The following BCAS4 variants were observed in gnomAD, a reference collection of about 807,000 sequenced individuals.
The protein encoded by BCAS4 is breast carcinoma amplified sequence 4.
A neutral mutation model predicts 15.7 loss-of-function variants in BCAS4; 9 were observed. That is an observed-to-expected ratio of 0.57 (90% CI 0.34 to 1.00). The LOEUF (loss-of-function observed/expected upper bound fraction) is 1.00, where lower values mean the gene tolerates loss of function less well. Among genes scored for constraint, BCAS4 ranks in the 50% least tolerant of loss-of-function variants. BCAS4 has a pLI of 0.02. For synonymous variants in BCAS4, 101 were observed against 99.5 expected (o/e 1.02, Z -0.09); for missense variants, 225 against 239.1 (o/e 0.94, Z 0.39).
intron 4 of BCAS4, among the ~76,000 whole-genome samples, chr20:50,859,856 G>A (rs974192137): frequency 9.2e-5 from 14 of 152,184 alleles, no homozygotes; most frequent in Non-Finnish European, 1.5e-4. Context: ...ATAACATGGA[G>A]AGGCCGGACG....
intron 4 of BCAS4, among the ~76,000 whole-genome samples, chr20:50,865,399 G>A (rs1044010227): frequency 2.6e-5 from 4 of 152,134 alleles, no homozygotes; most frequent in South Asian, 4.1e-4. Context: ...CCGTGACACC[G>A]ACTCCCCCCA....
At chr20:50,879,823 GCTCT>G (rs1182366341), downstream of BCAS4, 5 of 152,654 alleles carry the variant, frequency 3.3e-5, no homozygotes, top group Admixed American at 2.0e-4. Context: ...CTTTTCACTT[GCTCT>G]CTCTGAGTCC....
intron 4 of BCAS4, among the ~76,000 whole-genome samples, chr20:50,869,897 C>G (rs911936116): frequency 6.6e-6 from 1 of 151,820 alleles, no homozygotes; most frequent in Non-Finnish European, 1.5e-5. Flanking sequence ...TACAGGCACC[C>G]GCCACCACAC....
At chr20:50,800,798 G>T (rs1569015161) in intron 1 of BCAS4, among the ~76,000 whole-genome samples, 1 of 152,058 alleles carries the variant, frequency 6.6e-6, no homozygotes, top group Non-Finnish European at 1.5e-5. Flanking sequence ...GTGACCTCAG[G>T]TGATCCACCT....
chr20:50,795,496 C>A (rs2087843629), intron 1 of BCAS4, among the ~76,000 whole-genome samples: 1 of 152,212 alleles, frequency 6.6e-6, no homozygotes, highest in Non-Finnish European at 1.5e-5. Context: ...CCTCTGCTGC[C>A]CCGGCTACCT....
chr20:50,809,088 G>A (rs1042636976), intron 1 of BCAS4, among the ~76,000 whole-genome samples: 1 of 152,132 alleles, frequency 6.6e-6, no homozygotes, highest in Non-Finnish European at 1.5e-5. Context: ...GTTGAATAGG[G>A]TGTCCTTTCT....
At chr20:50,852,366 T>TTGTGTG (rs34560943) in intron 4 of BCAS4, among the ~76,000 whole-genome samples, 5 of 150,114 alleles carry the variant, frequency 3.3e-5, no homozygotes, top group African/African-American at 4.9e-5. Flanking sequence ...TTTTGTGGCT[T>TTGTGTG]TGTGTGTGTG....
At chr20:50,843,508 C>G (rs1479813395) in intron 4 of BCAS4, among the ~76,000 whole-genome samples, 3 of 152,184 alleles carry the variant, frequency 2.0e-5, no homozygotes, top group African/African-American at 4.8e-5. Flanking sequence ...ATGTGCTTTC[C>G]AGTCACAGGC....
chr20:50,854,961 T>G (rs1302298386), intron 4 of BCAS4, among the ~76,000 whole-genome samples: 1 of 152,150 alleles, frequency 6.6e-6, no homozygotes, highest in Non-Finnish European at 1.5e-5. Flanking sequence ...GGTCAGCCCC[T>G]CCACACTGCT....
intron 2 of BCAS4, among the ~76,000 whole-genome samples, chr20:50,825,663 G>T (rs1275405415): frequency 6.6e-6 from 1 of 152,214 alleles, no homozygotes; most frequent in Non-Finnish European, 1.5e-5. Context: ...GATCACTTGA[G>T]GTCAGGAGTT....
At chr20:50,854,835 T>G (rs60594673) in intron 4 of BCAS4, among the ~76,000 whole-genome samples, 42,581 of 152,140 alleles carry the variant, frequency 0.28, 7,885 homozygotes, top group African/African-American at 0.53. Context: ...TGAAGCTGCT[T>G]TTTACAGAAT....
chr20:50,812,354 C>T (rs1161649659), intron 1 of BCAS4, among the ~76,000 whole-genome samples: 3 of 150,674 alleles, frequency 2.0e-5, no homozygotes, highest in Non-Finnish European at 2.9e-5. Flanking sequence ...AGGATGGTCT[C>T]GATCTCCTGA....
intron 4 of BCAS4, among the ~76,000 whole-genome samples, chr20:50,870,139 T>C (rs777926446): frequency 1.3e-5 from 2 of 151,890 alleles, no homozygotes; most frequent in Non-Finnish European, 2.9e-5. Flanking sequence ...CTGGGCAGAG[T>C]TGAGTGGTTG....
At chr20:50,829,999 A>C (rs537602989) in intron 2 of BCAS4, among the ~76,000 whole-genome samples, 2 of 152,318 alleles carry the variant, frequency 1.3e-5, no homozygotes, top group African/African-American at 4.8e-5. Flanking sequence ...GGTTTAGAAA[A>C]TGAAGATATT....
At chr20:50,808,697 A>G (rs1467659155) in intron 1 of BCAS4, among the ~76,000 whole-genome samples, 1 of 151,692 alleles carries the variant, frequency 6.6e-6, no homozygotes, top group Non-Finnish European at 1.5e-5. Context: ...TCACTTTTTG[A>G]TGGGATTTTT....
intron 3 of BCAS4, among the ~76,000 whole-genome samples, chr20:50,836,208 G>A (rs554732592): frequency 9.2e-5 from 14 of 152,294 alleles, no homozygotes; most frequent in African/African-American, 2.6e-4. Flanking sequence ...GAGCCACTGC[G>A]CCTGGCTGGT....
intron 3 of BCAS4, among the ~76,000 whole-genome samples, chr20:50,836,072 C>T (rs1319745091): frequency 1.3e-5 from 2 of 152,140 alleles, no homozygotes; most frequent in South Asian, 2.1e-4. Flanking sequence ...CGCGTGCCAC[C>T]ACACATGGCT....
At chr20:50,867,041 A>T (rs1600902868) in intron 4 of BCAS4, among the ~76,000 whole-genome samples, 2 of 150,038 alleles carry the variant, frequency 1.3e-5, no homozygotes, top group Non-Finnish European at 3.0e-5. Context: ...TGTTGACTTT[A>T]AAAAAAAAAT....
chr20:50,859,868 G>A (rs144430472), intron 4 of BCAS4, among the ~76,000 whole-genome samples: 147 of 152,318 alleles, frequency 9.7e-4, no homozygotes, highest in African/African-American at 3.2e-3. Flanking sequence ...GGCCGGACGC[G>A]GTGGCTCACG....
Sources: gnomAD v4.1 joint callset for allele counts (sites outside exome capture counted in the v4.1 genomes callset) on GRCh38, gnomAD v4.1.1 for gene constraint, MANE v1.5 for transcripts, NCBI Gene and HGNC (gene_info 2026-07-23, HGNC 2026-07-21) for gene names.